Variants in ALG5 observed in about 807,000 individuals in gnomAD.
ALG5 encodes ALG5 dolichyl-phosphate beta-glucosyltransferase.
Under a neutral mutation model 51.8 loss-of-function variants are expected in ALG5, and 26 were observed. The observed-to-expected ratio is 0.50, with a 90% CI of 0.37 to 0.70. ALG5 has a LOEUF of 0.70. Ranked by LOEUF, ALG5 falls within the 30% of genes least tolerant of loss-of-function variation. The probability of loss-of-function intolerance (pLI) is 0.00; values close to 1 mark genes in which losing one functional copy is unlikely to be tolerated. For missense variants in ALG5, 311 were observed against 399.3 expected, an observed-to-expected ratio of 0.78 and a Z score of 1.88; for synonymous variants, 141 against 136.1, an observed-to-expected ratio of 1.04 and a Z score of -0.25.
intron 5 of ALG5, among the ~76,000 whole-genome samples, chr13:36,988,141 G>GTGC (rs1401382460): frequency 1.3e-5 from 2 of 152,074 alleles, no homozygotes; most frequent in Non-Finnish European, 2.9e-5. Flanking sequence ...TGGGACATCT[G>GTGC]TGCTGCTGCC....
At chr13:36,977,516 G>A (rs2058957494) in intron 6 of ALG5, among the ~76,000 whole-genome samples, 1 of 151,936 alleles carries the variant, frequency 6.6e-6, no homozygotes, top group Non-Finnish European at 1.5e-5. Flanking sequence ...AAAAAAATAG[G>A]TGCAGTGGCT....
At position 36,985,246 on chromosome 13, in the gene ALG5, T is replaced by C. The variant is rs369833382; in HGVS notation, c.561+381A>G. ...ATCCTTTTTGAGTGATTGCTGCTTG[T>C]GATTTTGTTTGTTTCATCAAAAACT... On this transcript the variant is annotated intron_variant, in intron 6 of 9. Transcript: ENST00000239891. Among the ~76,000 whole-genome samples, 5 of 152,262 alleles carry C rather than the reference T, an allele frequency of 3.3e-5. No homozygotes were observed. In the East Asian group the frequency reaches 5.8e-4, roughly 18 times the overall value.
At position 36,999,324 on chromosome 13, in the gene ALG5, C is replaced by G. The variant is rs2059074177; in HGVS notation, c.-24G>C. The stretch of plus-strand genomic sequence containing the variant: ...ATTCTCCATGCCGTGGCAGCCCGCC[C>G]AATCCCGCACCTCCACACAGGCGGA... On this transcript the variant is annotated 5_prime_UTR_variant, in exon 1 of 10. Transcript: ENST00000239891. 2 of 1,560,208 alleles carry G rather than the reference C, an allele frequency of 1.3e-6. No individual in the cohort carries two copies. The highest frequency in any genetic ancestry group is 2.8e-5 in the African/African-American group (2 of 70,736).
chr13:36,991,854 C>T (rs550499392), intron 4 of ALG5, among the ~76,000 whole-genome samples: 34 of 152,254 alleles, frequency 2.2e-4, no homozygotes, highest in African/African-American at 7.7e-4. Flanking sequence ...TGAACTCTTG[C>T]GCTCAAGCAG....
chr13:36,967,394 T>C (rs1256967374), intron 7 of ALG5, among the ~76,000 whole-genome samples: 2 of 152,112 alleles, frequency 1.3e-5, no homozygotes, highest in African/African-American at 4.8e-5. Flanking sequence ...CACAAAGTTA[T>C]TATAAGGATT....
chr13:36,989,479 A>C lies in ALG5; in HGVS notation c.447+5T>G. Reference sequence around the variant, plus strand: ...TTAGATAAAAATGTTGAAAATATGTATTACCATTCTAATCGCTCCACCTTT... The same window carrying C: ...TTAGATAAAAATGTTGAAAATATGTCTTACCATTCTAATCGCTCCACCTTT... On this transcript the variant is annotated splice_donor_5th_base_variant and intron_variant, in intron 5 of 9. Transcript: ENST00000239891. The C allele has an allele frequency of 6.2e-7, 1 of 1,603,544 alleles. No individual in the cohort carries two copies. The highest frequency in any genetic ancestry group is 8.5e-7 in the Non-Finnish European group (1 of 1,171,704).
At chr13:36,957,330 T>C (rs926164774) in intron 8 of ALG5, among the ~76,000 whole-genome samples, 2 of 151,366 alleles carry the variant, frequency 1.3e-5, no homozygotes, top group African/African-American at 2.4e-5. Flanking sequence ...TCTGGGTAGA[T>C]ACTCTCACTG....
Position 36,970,091 on chromosome 13 carries a change from T to C in ALG5, c.621+1886A>G, listed in dbSNP as rs191517192. 2.3e-3 allele frequency among the ~76,000 whole-genome samples: 352 copies of C among 150,192 alleles called. 1 individual carries two copies. The highest frequency in any genetic ancestry group is 8.0e-3 in the African/African-American group (330 of 41,176). On this transcript the variant is annotated intron_variant, in intron 7 of 9. Transcript: ENST00000239891. Reference sequence around the variant, plus strand: ...ATACTATTTTATAATTATACACACATATATATAAAATGTGCTGAAGATCTT... The same window carrying C: ...ATACTATTTTATAATTATACACACACATATATAAAATGTGCTGAAGATCTT...
At chr13:36,968,988 A>G (rs1230316712) in intron 7 of ALG5, among the ~76,000 whole-genome samples, 1 of 152,208 alleles carries the variant, frequency 6.6e-6, no homozygotes, top group East Asian at 1.9e-4. Flanking sequence ...CCTTCTTTCT[A>G]TAGAATGGCA....
intron 7 of ALG5, among the ~76,000 whole-genome samples, chr13:36,970,098 A>G (rs1340962610): frequency 6.6e-6 from 1 of 150,408 alleles, no homozygotes; most frequent in Non-Finnish European, 1.5e-5. Flanking sequence ...ACATATATAT[A>G]AAATGTGCTG....
chr13:36,986,988 T>C lies in ALG5; in HGVS notation c.448-1248A>G, dbSNP rs116349156. Among the ~76,000 whole-genome samples, 913 of 152,292 alleles carry C rather than the reference T, an allele frequency of 6.0e-3. 9 individuals are homozygous for C. Among genetic ancestry groups the C allele is most frequent in the African/African-American group, 0.02 (834 of 41,572 alleles). On this transcript the variant is annotated intron_variant, in intron 5 of 9. Transcript: ENST00000239891. ...AGCTCCTTGAAAAGGCAGTCTACCA[T>C]AGCAACTCCCATTTGTGTTTCCTCA...
intron 4 of ALG5, among the ~76,000 whole-genome samples, chr13:36,990,217 G>A (rs919189873): frequency 6.6e-6 from 1 of 152,128 alleles, no homozygotes; most frequent in African/African-American, 2.4e-5. Flanking sequence ...AATCAAAGTC[G>A]TGAGATAGTG....
chr13:36,950,037 A>G lies in ALG5; in HGVS notation c.880T>C (p.Trp294Arg). 1 of 1,607,050 alleles carries G rather than the reference A, an allele frequency of 6.2e-7. No individual in the cohort carries two copies. The highest frequency in any genetic ancestry group is 8.5e-7 in the Non-Finnish European group (1 of 1,176,450). ...TCTTTACCCATTTGTAGCCAGCTCCAGAATGGAACTAATTTAGAACCTGTG... is the reference window on the plus strand; with the variant it reads ...TCTTTACCCATTTGTAGCCAGCTCCGGAATGGAACTAATTTAGAACCTGTG... Reference protein sequence around the residue: ...EIEGSKLVPFWSWLQMGKDLL... With the variant: ...EIEGSKLVPFRSWLQMGKDLL... Residue 294 changes from tryptophan (W) to arginine (R), a missense_variant, in exon 10 of 10, where the codon TGG becomes CGG. Trp to Arg is a moderately radical substitution (Grantham distance 101). Transcript: ENST00000239891.
At chr13:36,992,744 G>A (rs989070106) in intron 4 of ALG5, among the ~76,000 whole-genome samples, 1 of 152,178 alleles carries the variant, frequency 6.6e-6, no homozygotes, top group African/African-American at 2.4e-5. Context: ...AACAAGAGCC[G>A]TATCTAAAAT....
intron 4 of ALG5, among the ~76,000 whole-genome samples, chr13:36,992,079 C>G (rs2059027980): frequency 6.6e-6 from 1 of 152,202 alleles, no homozygotes; most frequent in South Asian, 2.1e-4. Context: ...GCTAAGCCAA[C>G]TCTGGAATCA....
At chr13:36,972,662 C>G (rs1267087400) in intron 6 of ALG5, among the ~76,000 whole-genome samples, 1 of 152,142 alleles carries the variant, frequency 6.6e-6, no homozygotes, top group East Asian at 1.9e-4. Flanking sequence ...AAGGTCTTGT[C>G]ATGATATATG....
chr13:36,969,548 TGAG>T (rs1482981776), intron 7 of ALG5, among the ~76,000 whole-genome samples: 2 of 152,090 alleles, frequency 1.3e-5, no homozygotes, highest in Non-Finnish European at 2.9e-5. Flanking sequence ...TTTATTTTTT[TGAG>T]GAGGAGGTGT....
chr13:36,953,330 G>A lies in ALG5; in HGVS notation c.774-731C>T, dbSNP rs192954661. 7.2e-5 allele frequency among the ~76,000 whole-genome samples: 11 copies of A among 152,226 alleles called. 1 individual carries two copies. The South Asian group carries it at 2.1e-3, about 29-fold the overall frequency. On this transcript the variant is annotated intron_variant, in intron 8 of 9. Transcript: ENST00000239891. ...CCACTTACGAAAGGTCTTTCTTAAA[G>A]CCTCTTTTCAGTCAGTGCCTTGGCT... is the stretch of plus-strand genomic sequence containing the variant.
At chr13:36,973,362 A>G (rs58282483) in intron 6 of ALG5, among the ~76,000 whole-genome samples, 7,856 of 152,258 alleles carry the variant, frequency 0.052, 663 homozygotes, top group African/African-American at 0.18. Flanking sequence ...AGAATATGAT[A>G]AAGATGACCT....
Sources: gnomAD v4.1 joint callset for allele counts (sites outside exome capture counted in the v4.1 genomes callset) on GRCh38, gnomAD v4.1.1 for gene constraint, MANE v1.5 for transcripts, NCBI Gene and HGNC (gene_info 2026-07-23, HGNC 2026-07-21) for gene names.